MAGI1: variants seen among roughly 807,000 people sequenced by gnomAD.
MAGI1 encodes membrane associated guanylate kinase, WW and PDZ domain containing 1.
In MAGI1, 58 loss-of-function variants were observed where a neutral mutation model predicts 139.9. The ratio of observed to expected loss-of-function variants is 0.41; its 90% CI spans 0.34 to 0.52. The LOEUF (loss-of-function observed/expected upper bound fraction) is 0.52, where lower values mean the gene tolerates loss of function less well. Among genes scored for constraint, MAGI1 ranks in the 20% least tolerant of loss-of-function variants. MAGI1 has a pLI of 0.12. For synonymous variants in MAGI1, 812 were observed against 737.9 expected (o/e 1.10, Z -1.63); for missense variants, 1,874 against 1,901.6 (o/e 0.99, Z 0.27).
intron 15 of MAGI1, among the ~76,000 whole-genome samples, chr3:65,382,496 A>C (rs1943129975): frequency 6.6e-6 from 1 of 152,184 alleles, no homozygotes; most frequent in Admixed American, 6.5e-5. Context: ...CTCTTAAATG[A>C]ATGAATGAAG....
chr3:65,607,810 G>A (rs546982186), intron 2 of MAGI1, among the ~76,000 whole-genome samples: 4 of 152,086 alleles, frequency 2.6e-5, no homozygotes, highest in African/African-American at 4.8e-5. Context: ...CAGGTGTTTC[G>A]GCTTACTGCG....
intron 1 of MAGI1, among the ~76,000 whole-genome samples, chr3:65,865,327 G>A (rs1487024496): frequency 6.6e-6 from 1 of 152,196 alleles, no homozygotes; most frequent in African/African-American, 2.4e-5. Context: ...CTGACCACGT[G>A]CAGTGGCTCA....
At chr3:65,509,710 G>A (rs1355534606) in intron 2 of MAGI1, among the ~76,000 whole-genome samples, 5 of 152,058 alleles carry the variant, frequency 3.3e-5, no homozygotes, top group South Asian at 2.1e-4. Flanking sequence ...ACTGCAAGGC[G>A]GCAACGAGGC....
chr3:65,889,735 G>C (rs75115829), intron 1 of MAGI1, among the ~76,000 whole-genome samples: 2,556 of 152,254 alleles, frequency 0.017, 57 homozygotes, highest in East Asian at 0.08. Flanking sequence ...TCTATTGAGA[G>C]CTACTATATT....
intron 1 of MAGI1, among the ~76,000 whole-genome samples, chr3:65,987,962 G>C (rs1035889018): frequency 5.9e-5 from 9 of 152,196 alleles, no homozygotes; most frequent in African/African-American, 2.2e-4. Flanking sequence ...CCCTGCACTT[G>C]CATGCCCCTG....
intron 1 of MAGI1, among the ~76,000 whole-genome samples, chr3:65,734,503 A>AAGAGAGAGAAAGAAAG (rs2034517980): frequency 1.0e-5 from 1 of 95,480 alleles, no homozygotes; most frequent in African/African-American, 5.4e-5. Flanking sequence ...GAGAAAGAGG[A>AAGAGAGAGAAAGAAAG]AGAGAGAGAA....
Position 65,359,361 on chromosome 3 carries a change from G to C in MAGI1, c.3634+1838C>G, listed in dbSNP as rs1940549088. 7.4e-6 allele frequency: 10 copies of C among 1,357,556 alleles called. No individual in the cohort carries two copies. The East Asian group carries it at 2.6e-4, about 35-fold the overall frequency. The allele number at this position is 1,357,556 out of a possible 1,614,324, so 84.1% of individuals were successfully genotyped here. A position where few individuals can be genotyped will look rare whatever the true frequency, so the allele number is the denominator to read the frequency against. ...CTGCAGAGACCGCAATCGGAACAGTGACATTTTTAGACAGCCATAAGGTGA... is the reference window on the plus strand; with the variant it reads ...CTGCAGAGACCGCAATCGGAACAGTCACATTTTTAGACAGCCATAAGGTGA... On this transcript the variant is annotated intron_variant, in intron 22 of 22. Coordinates refer to ENST00000402939, the MANE Select transcript of MAGI1 (RefSeq NM_001033057.2).
rs1942467673 is a variant in MAGI1, at chr3:65,375,796, G to C, written c.3145C>G (p.Leu1049Val). Residue 1049 changes from leucine to valine, a missense_variant, in exon 18 of 23, where the codon CTA (leucine) becomes GTA (valine). Physicochemically the swap from Leu to Val is conservative, Grantham distance 32. Around this residue, in one of 5 missense-constraint regions of MAGI1, gnomAD observed 653 missense variants for 644.5 expected, o/e 1.01. Transcript: ENST00000402939. ...ACTGTGTTTCCCGCTTCCTTGATTA[G>C]GTTCACAATGTCTGAATGGGATTTG... The part of the protein sequence containing the change: ...TNKSHSDIVN[L>V]IKEAGNTVTL... The C allele has an allele frequency of 6.2e-7, 1 of 1,613,932 alleles. No individual in the cohort carries two copies. Among genetic ancestry groups the C allele is most frequent in the African/African-American group, 1.3e-5 (1 of 74,864 alleles).
chr3:65,517,658 C>A (rs1436512823), intron 2 of MAGI1, among the ~76,000 whole-genome samples: 2 of 152,180 alleles, frequency 1.3e-5, no homozygotes, highest in African/African-American at 4.8e-5. Context: ...GTCTCCAACT[C>A]CCGAGTCAGT....
At chr3:65,366,099 C>T (rs941089540) in intron 18 of MAGI1, among the ~76,000 whole-genome samples, 1 of 152,146 alleles carries the variant, frequency 6.6e-6, no homozygotes, top group African/African-American at 2.4e-5. Context: ...TAGCTGTGTG[C>T]CTTATTTTTC....
chr3:65,765,793 T>C (rs1435704960), intron 1 of MAGI1, among the ~76,000 whole-genome samples: 1 of 152,216 alleles, frequency 6.6e-6, no homozygotes, highest in African/African-American at 2.4e-5. Flanking sequence ...GTCTTCAACA[T>C]GGGTTGCCAT....
At chr3:65,784,095 C>A (rs969969574) in intron 1 of MAGI1, among the ~76,000 whole-genome samples, 6 of 151,572 alleles carry the variant, frequency 4.0e-5, no homozygotes. Context: ...TGCACTCCAG[C>A]CTGGGCAACA....
intron 1 of MAGI1, among the ~76,000 whole-genome samples, chr3:65,649,703 A>T (rs2085476362): frequency 6.6e-6 from 1 of 152,242 alleles, no homozygotes; most frequent in Non-Finnish European, 1.5e-5. Flanking sequence ...AACAGACTCC[A>T]AATATGAACT....
At chr3:65,440,069 G>A (rs760977251) in intron 8 of MAGI1, 57 bp from the exon 9 acceptor site, 14 of 1,593,796 alleles carry the variant, frequency 8.8e-6, no homozygotes, top group Non-Finnish European at 1.1e-5. Flanking sequence ...CCAGCAAAAT[G>A]CCAATCAGAC....
chr3:66,016,497 A>G (rs1383676770), intron 1 of MAGI1, among the ~76,000 whole-genome samples: 2 of 152,158 alleles, frequency 1.3e-5, no homozygotes, highest in Non-Finnish European at 2.9e-5. Flanking sequence ...TGACCAATAC[A>G]CACACCCTTT....
At chr3:65,790,278 T>C (rs968694841) in intron 1 of MAGI1, among the ~76,000 whole-genome samples, 3 of 152,168 alleles carry the variant, frequency 2.0e-5, no homozygotes, top group African/African-American at 7.2e-5. Flanking sequence ...GATAAAACGA[T>C]TTGTTTGACC....
chr3:65,697,158 C>A (rs920521233), intron 1 of MAGI1, among the ~76,000 whole-genome samples: 26 of 152,012 alleles, frequency 1.7e-4, no homozygotes, highest in African/African-American at 6.3e-4. Context: ...CATACACTCT[C>A]CCAAGACTAA....
chr3:65,536,677 AG>A lies in MAGI1; in HGVS notation c.431-43047del, dbSNP rs771334628. Among the ~76,000 whole-genome samples the A allele has an allele frequency of 6.6e-5, 10 of 152,204 alleles. 1 individual carries two copies. The South Asian group carries it at 2.1e-3, about 32-fold the overall frequency. On this transcript the variant is annotated intron_variant, in intron 2 of 22. Coordinates refer to ENST00000402939, the MANE Select transcript of MAGI1 (RefSeq NM_001033057.2). ...GATCCATTCTCTAGTCAAAGTGTTC[AG>A]GGCTGGCCATATGATCCTGGTTAAT... is the stretch of plus-strand genomic sequence containing the variant.
intron 10 of MAGI1, among the ~76,000 whole-genome samples, chr3:65,435,925 C>T (rs1337701924): frequency 1.3e-5 from 2 of 152,060 alleles, no homozygotes; most frequent in Non-Finnish European, 2.9e-5. Context: ...GGCTAACTTA[C>T]TGTGAGAGAG....
Sources: gnomAD v4.1 joint callset for allele counts (sites outside exome capture counted in the v4.1 genomes callset) on GRCh38, gnomAD v4.1.1 for gene constraint, gnomAD v4.1.1 regional missense constraint, MANE v1.5 for transcripts, NCBI Gene and HGNC (gene_info 2026-07-23, HGNC 2026-07-21) for gene names.